The following ARMC3 variants were observed in gnomAD, a reference collection of about 807,000 sequenced individuals.
The protein encoded by ARMC3 is armadillo repeat-containing protein 3.
In ARMC3, 74 loss-of-function variants were observed where a neutral mutation model predicts 90.3. The observed-to-expected ratio is 0.82, with a 90% CI of 0.68 to 0.99. The LOEUF (loss-of-function observed/expected upper bound fraction) is 0.99, where lower values mean the gene tolerates loss of function less well. Ranked by LOEUF, ARMC3 falls within the 50% of genes least tolerant of loss-of-function variation. The pLI, the probability that ARMC3 is intolerant of heterozygous loss-of-function variation, is 0.00. For missense variants in ARMC3, 958 were observed against 1,042.8 expected, an observed-to-expected ratio of 0.92 and a Z score of 1.12; for synonymous variants, 334 against 361.8, an observed-to-expected ratio of 0.92 and a Z score of 0.87.
intron 16 of ARMC3, among the ~76,000 whole-genome samples, chr10:23,010,788 C>T (rs1247252981): frequency 8.6e-6 from 1 of 115,812 alleles, no homozygotes; most frequent in African/African-American, 3.3e-5. Flanking sequence ...CCTTCCCTCT[C>T]CTCTCCTTTG....
At chr10:22,953,371 G>A (rs941243078) in intron 3 of ARMC3, among the ~76,000 whole-genome samples, 1 of 152,062 alleles carries the variant, frequency 6.6e-6, no homozygotes, top group African/African-American at 2.4e-5. Flanking sequence ...CACTAGATTT[G>A]TTATTACAGC....
intron 2 of ARMC3, among the ~76,000 whole-genome samples, chr10:22,940,197 T>C (rs1451399692): frequency 6.6e-6 from 1 of 152,240 alleles, no homozygotes; most frequent in Non-Finnish European, 1.5e-5. Context: ...AGATGGACAT[T>C]TTATGATACA....
At position 22,951,370 on chromosome 10, in the gene ARMC3, G is replaced by A. The variant is rs1834734154; in HGVS notation, c.167-4437G>A. On this transcript the variant is annotated intron_variant, in intron 3 of 18. Coordinates refer to ENST00000298032, the MANE Select transcript of ARMC3 (RefSeq NM_173081.5). ...CCTCTCAATAAATAAAAGAACAAGT[G>A]ACAGAAAATATAAAAGGATATAAAG... 2.0e-5 allele frequency among the ~76,000 whole-genome samples: 3 copies of A among 152,080 alleles called. No homozygotes were observed. The South Asian group carries it at 6.2e-4, about 32-fold the overall frequency.
intron 8 of ARMC3, 98 bp downstream of exon 8, chr10:22,968,587 C>A: frequency 9.1e-7 from 1 of 1,095,460 alleles, no homozygotes; most frequent in South Asian, 1.8e-5. Context: ...GCAGCCTCAA[C>A]CTCCCCAGGT....
intron 10 of ARMC3, chr10:22,997,186 T>TA (rs1837010819): frequency 1.3e-5 from 2 of 152,178 alleles, no homozygotes; most frequent in African/African-American, 4.8e-5. Context: ...TTCCACTCAT[T>TA]AAAATGCTCT....
At chr10:22,945,320 C>T (rs10828380) in intron 2 of ARMC3, among the ~76,000 whole-genome samples, 60,401 of 152,002 alleles carry the variant, frequency 0.4, 14,353 homozygotes, top group African/African-American at 0.67. Flanking sequence ...TCCTTTATCC[C>T]AAGCAGAACT....
At chr10:22,986,790 T>C (rs964662491) in intron 10 of ARMC3, among the ~76,000 whole-genome samples, 3 of 152,114 alleles carry the variant, frequency 2.0e-5, no homozygotes, top group Admixed American at 6.5e-5. Context: ...GAGCCTCCTA[T>C]TGATACTTCT....
intron 12 of ARMC3, 43 bp downstream of exon 12, chr10:23,002,098 A>G (rs964476158): frequency 6.2e-7 from 1 of 1,601,380 alleles, no homozygotes; most frequent in Middle Eastern, 1.9e-4. Flanking sequence ...GATGAAGAGC[A>G]GAAGACGGAG....
intron 2 of ARMC3, among the ~76,000 whole-genome samples, chr10:22,940,534 T>C (rs1834286434): frequency 6.6e-6 from 1 of 152,220 alleles, no homozygotes; most frequent in African/African-American, 2.4e-5. Flanking sequence ...TTGCCCAGGC[T>C]GGAATGCAGT....
At chr10:22,978,876 G>T (rs1160055180) in intron 8 of ARMC3, among the ~76,000 whole-genome samples, 3 of 152,006 alleles carry the variant, frequency 2.0e-5, no homozygotes, top group African/African-American at 7.3e-5. Context: ...TTTAGACAAG[G>T]TCATGCATTG....
intron 7 of ARMC3, among the ~76,000 whole-genome samples, chr10:22,965,506 G>T (rs1214295556): frequency 1.3e-5 from 2 of 152,086 alleles, no homozygotes; most frequent in Non-Finnish European, 2.9e-5. Flanking sequence ...TTTCTCTTCT[G>T]CATGGAAGTG....
At chr10:22,963,922 CAAAAAAAAAAAAAA>C (rs35508443) in intron 7 of ARMC3, among the ~76,000 whole-genome samples, 2,500 of 58,542 alleles carry the variant, frequency 0.043, 42 homozygotes, top group Non-Finnish European at 0.053. Context: ...CACACACACA[CAAAAAAAAAAAAAA>C]AAAAAAAAAA....
In ARMC3 at chr10:23,008,342, T is replaced by C; in HGVS notation, c.1896T>C (p.Ser632=). The change falls in exon 15 of 19, where the codon TCT becomes TCC. Residue 632 remains serine (S), a synonymous_variant. Coordinates refer to ENST00000298032, the MANE Select transcript of ARMC3 (RefSeq NM_173081.5). ...VGYGRSISSS[S]SLRRSSKEKN... ...ATGGACGAAGTATTTCTTCTTCATC[T>C]TCCTTAAGAAGATCAAGTAAAGAAA... The C allele has an allele frequency of 6.5e-7, 1 of 1,539,640 alleles. No homozygotes were observed. The highest frequency in any genetic ancestry group is 2.3e-5 in the East Asian group (1 of 43,652).
intron 3 of ARMC3, among the ~76,000 whole-genome samples, chr10:22,950,058 A>G (rs1834682925): frequency 6.6e-6 from 1 of 150,972 alleles, no homozygotes; most frequent in Non-Finnish European, 1.5e-5. Context: ...TCAAAAACGT[A>G]GGTGAAATAA....
At chr10:22,963,887 T>TCTCACA (rs1184167653) in intron 7 of ARMC3, among the ~76,000 whole-genome samples, 9 of 33,860 alleles carry the variant, frequency 2.7e-4, no homozygotes, top group African/African-American at 1.2e-3. Flanking sequence ...AGACTCTGTC[T>TCTCACA]CACACACACA....
chr10:22,973,886 G>C (rs1390636565), intron 8 of ARMC3, among the ~76,000 whole-genome samples: 1 of 149,530 alleles, frequency 6.7e-6, no homozygotes, highest in Non-Finnish European at 1.5e-5. Context: ...AGCCTCCCTA[G>C]TAGCTGGGTC....
intron 16 of ARMC3, among the ~76,000 whole-genome samples, chr10:23,017,080 T>A (rs9731418): frequency 4.2e-4 from 62 of 148,076 alleles, no homozygotes; most frequent in Non-Finnish European, 5.9e-4. Context: ...ATTTATTATT[T>A]TTTTTTTTAC....
intron 12 of ARMC3, among the ~76,000 whole-genome samples, chr10:23,002,796 A>G (rs558776689): frequency 6.2e-4 from 94 of 151,642 alleles, no homozygotes; most frequent in African/African-American, 2.2e-3. Flanking sequence ...CTGGTCTCGA[A>G]CTCCTGACCT....
At chr10:23,026,086 A>C (rs1385139699) in intron 16 of ARMC3, among the ~76,000 whole-genome samples, 1 of 152,172 alleles carries the variant, frequency 6.6e-6, no homozygotes, top group African/African-American at 2.4e-5. Context: ...TAATTCATTA[A>C]AATTTTTTTC....
Sources: gnomAD v4.1 joint callset for allele counts (sites outside exome capture counted in the v4.1 genomes callset) on GRCh38, gnomAD v4.1.1 for gene constraint, MANE v1.5 for transcripts, NCBI Gene and HGNC (gene_info 2026-07-23, HGNC 2026-07-21) for gene names.